Variants in CTNND2 observed in about 807,000 individuals in gnomAD.
CTNND2 encodes the protein catenin delta 2.
A neutral mutation model predicts 144.4 loss-of-function variants in CTNND2; 22 were observed. That is an observed-to-expected ratio of 0.15 (90% confidence interval 0.11 to 0.22). The LOEUF (loss-of-function observed/expected upper bound fraction) is 0.22. Among genes scored for constraint, CTNND2 ranks in the 10% least tolerant of loss-of-function variants. CTNND2 has a pLI of 1.00. For synonymous variants in CTNND2, 751 were observed against 695.6 expected (o/e 1.08, Z -1.25); for missense variants, 1,353 against 1,618.8 (o/e 0.84, Z 2.82).
At chr5:11,631,359 A>C (rs1308088717) in intron 2 of CTNND2, among the ~76,000 whole-genome samples, 1 of 152,220 alleles carries the variant, frequency 6.6e-6, no homozygotes, top group Non-Finnish European at 1.5e-5. Context: ...TCTATGTCTT[A>C]TCGTGAAGAC....
At chr5:11,349,973 T>C (rs1172093936) in intron 8 of CTNND2, among the ~76,000 whole-genome samples, 1 of 152,144 alleles carries the variant, frequency 6.6e-6, no homozygotes, top group South Asian at 2.1e-4. Context: ...CCATCTCTAC[T>C]AAAGACACAA....
Position 10,988,281 on chromosome 5 carries a change from A to G in CTNND2, c.3212-39T>C. The G allele has an allele frequency of 6.2e-7, 1 of 1,611,532 alleles. No individual in the cohort carries two copies. Among genetic ancestry groups the G allele is most frequent in the Non-Finnish European group, 8.5e-7 (1 of 1,178,196 alleles). On this transcript the variant is annotated intron_variant, in intron 19 of 21. Transcript: ENST00000304623. The surrounding 1 kb of genome is among the most constrained non-coding windows in gnomAD (Gnocchi z 5.9). Reference sequence around the variant, plus strand: ...TCAAAAGGGGGATTTTCTGCATCTCATCCCACAGCGTGTGTGCCTTCCACA... The same window carrying G: ...TCAAAAGGGGGATTTTCTGCATCTCGTCCCACAGCGTGTGTGCCTTCCACA...
intron 3 of CTNND2, among the ~76,000 whole-genome samples, chr5:11,546,915 G>C (rs929605400): frequency 6.6e-6 from 1 of 152,106 alleles, no homozygotes; most frequent in Non-Finnish European, 1.5e-5. Flanking sequence ...GCTACTTTAC[G>C]TGAAAAAAAG....
rs949767411 is a variant in CTNND2, at chr5:11,757,533, G to C, written c.38-25261C>G. On this transcript the variant is annotated intron_variant, in intron 1 of 21. Transcript: ENST00000304623. ...AACATCTTAAGCTGTGACAGATGCA[G>C]CCATCTTGTTCCCAACGCATTTCCA... Among the ~76,000 whole-genome samples, 27 of 151,888 alleles carry C rather than the reference G, an allele frequency of 1.8e-4. 1 individual carries two copies. The highest frequency in any genetic ancestry group is 5.9e-5 in the Non-Finnish European group (4 of 67,886).
intron 8 of CTNND2, among the ~76,000 whole-genome samples, chr5:11,347,673 CA>C (rs1266223861): frequency 1.3e-5 from 2 of 152,142 alleles, no homozygotes; most frequent in Non-Finnish European, 2.9e-5. Context: ...ACTTCATATC[CA>C]AAATACAGCC....
At chr5:11,536,514 G>A (rs950535562) in intron 3 of CTNND2, among the ~76,000 whole-genome samples, 11 of 152,256 alleles carry the variant, frequency 7.2e-5, no homozygotes, top group South Asian at 6.2e-4. Context: ...AGAAAATGTG[G>A]TATATATTTA....
At chr5:11,488,237 TA>T (rs1389713333) in intron 3 of CTNND2, among the ~76,000 whole-genome samples, 1 of 152,212 alleles carries the variant, frequency 6.6e-6, no homozygotes, top group Non-Finnish European at 1.5e-5. Flanking sequence ...ATAGTTAGCC[TA>T]CTTTAAAGTA....
intron 5 of CTNND2, among the ~76,000 whole-genome samples, chr5:11,404,753 GA>G (rs1760950325): frequency 6.6e-6 from 1 of 151,718 alleles, no homozygotes. Flanking sequence ...AAGTAGCTGG[GA>G]TTACAGGGGT....
intron 11 of CTNND2, among the ~76,000 whole-genome samples, chr5:11,199,218 A>C (rs1561009148): frequency 1.3e-5 from 2 of 152,218 alleles, no homozygotes; most frequent in African/African-American, 2.4e-5. Context: ...ACTGTTCATG[A>C]TCACAGAATT....
intron 9 of CTNND2, among the ~76,000 whole-genome samples, chr5:11,330,782 C>CAAA (rs70949317): frequency 7.2e-6 from 1 of 139,536 alleles, no homozygotes; most frequent in Non-Finnish European, 1.6e-5. Flanking sequence ...AACTCTGTAT[C>CAAA]AAAAAAAAAA....
chr5:11,015,714 A>C (rs1416860239), intron 18 of CTNND2, among the ~76,000 whole-genome samples: 2 of 152,220 alleles, frequency 1.3e-5, no homozygotes, highest in Non-Finnish European at 2.9e-5. Flanking sequence ...AACGTTCAGG[A>C]TCTAAAGGAA....
intron 2 of CTNND2, among the ~76,000 whole-genome samples, chr5:11,677,752 T>C (rs1003276012): frequency 6.6e-6 from 1 of 152,186 alleles, no homozygotes; most frequent in Admixed American, 6.5e-5. Context: ...GTAAGTTCTA[T>C]TTTGATCACA....
chr5:11,089,216 T>C (rs1393384305), intron 15 of CTNND2, among the ~76,000 whole-genome samples: 1 of 152,198 alleles, frequency 6.6e-6, no homozygotes, highest in Non-Finnish European at 1.5e-5. Flanking sequence ...CTTGGGTATT[T>C]GCCTATGTGG....
intron 15 of CTNND2, chr5:11,083,968 T>C: frequency 1.8e-6 from 2 of 1,093,006 alleles, no homozygotes; most frequent in Non-Finnish European, 2.3e-6. Context: ...GCATGAAATA[T>C]GAAATCAAAA....
chr5:11,858,746 G>A (rs1467059187), intron 1 of CTNND2, among the ~76,000 whole-genome samples: 2 of 152,112 alleles, frequency 1.3e-5, no homozygotes, highest in African/African-American at 2.4e-5. Context: ...TGGCTAACAC[G>A]GTGAAACTCC....
At chr5:11,738,096 A>C (rs1159808555) in intron 1 of CTNND2, among the ~76,000 whole-genome samples, 1 of 152,166 alleles carries the variant, frequency 6.6e-6, no homozygotes, top group Non-Finnish European at 1.5e-5. Flanking sequence ...GAGAAAGGTA[A>C]AACATCTCTT....
intron 15 of CTNND2, among the ~76,000 whole-genome samples, chr5:11,085,487 C>G (rs757994517): frequency 6.6e-6 from 1 of 152,168 alleles, no homozygotes; most frequent in African/African-American, 2.4e-5. Flanking sequence ...AGGAAAGGAT[C>G]CCTTCCTGCA....
chr5:11,318,813 A>G (rs1241757559), intron 9 of CTNND2, among the ~76,000 whole-genome samples: 1 of 152,102 alleles, frequency 6.6e-6, no homozygotes. Context: ...AAAAGCTCTT[A>G]TCTGAAATAG....
At chr5:11,756,382 T>C (rs1646602876) in intron 1 of CTNND2, among the ~76,000 whole-genome samples, 1 of 151,722 alleles carries the variant, frequency 6.6e-6, no homozygotes, top group African/African-American at 2.4e-5. Flanking sequence ...ACATTTAAAC[T>C]GATAAAGGAA....
Sources: allele counts gnomAD v4.1 joint callset (sites outside exome capture counted in the v4.1 genomes callset), GRCh38; gene constraint gnomAD v4.1.1; non-coding constraint Gnocchi (gnomAD v3.1); transcripts MANE v1.5; gene names NCBI Gene and HGNC (gene_info 2026-07-23, HGNC 2026-07-21).